Variants in APLF observed in about 807,000 individuals in gnomAD.
APLF encodes the protein aprataxin and PNK-like factor.
In APLF, 61 loss-of-function variants were observed where a neutral mutation model predicts 55.6. The observed-to-expected ratio is 1.10, with a 90% confidence interval of 0.89 to 1.36. The LOEUF (loss-of-function observed/expected upper bound fraction) is 1.36, where lower values mean the gene tolerates loss of function less well. APLF is among the 40% of genes most tolerant of loss of function. The probability of loss-of-function intolerance (pLI) is 0.00; values close to 1 mark genes in which losing one functional copy is unlikely to be tolerated. For synonymous variants in APLF, 207 were observed against 214.8 expected, an observed-to-expected ratio of 0.96 and a Z score of 0.32; for missense variants, 611 against 602.5, an observed-to-expected ratio of 1.01 and a Z score of -0.15.
intron 7 of APLF, 87 bp from the exon 8 acceptor site, chr2:68,545,100 G>A (rs1421948902): frequency 5.5e-5 from 81 of 1,478,014 alleles, no homozygotes; most frequent in Non-Finnish European, 7.1e-5. Context: ...ATAGCCAGAT[G>A]TGGATTGTCT....
intron 5 of APLF, among the ~76,000 whole-genome samples, chr2:68,518,764 T>TAATATATCATTATATAATAAAA (rs1669763224): frequency 8.7e-6 from 1 of 115,442 alleles, no homozygotes; most frequent in African/African-American, 3.5e-5. Flanking sequence ...TAATAAAATA[T>TAATATATCATTATATAATAAAA]TAATAATATA....
intron 8 of APLF, among the ~76,000 whole-genome samples, chr2:68,565,835 A>C (rs1671293917): frequency 6.6e-6 from 1 of 152,104 alleles, no homozygotes; most frequent in African/African-American, 2.4e-5. Flanking sequence ...ATAAGTGGAA[A>C]ATTTAATCGC....
At chr2:68,486,326 C>T (rs1182183061) in intron 1 of APLF, among the ~76,000 whole-genome samples, 1 of 152,092 alleles carries the variant, frequency 6.6e-6, no homozygotes, top group Non-Finnish European at 1.5e-5. Flanking sequence ...AAGTGTCCTC[C>T]TTCTCCCTGA....
chr2:68,479,419 A>G (rs1226024618), intron 1 of APLF, among the ~76,000 whole-genome samples: 1 of 152,218 alleles, frequency 6.6e-6, no homozygotes, highest in Non-Finnish European at 1.5e-5. Context: ...GATATGGCCA[A>G]AAAGTCAGGG....
At chr2:68,568,411 AAC>A (rs1471591672) in intron 9 of APLF, 6 of 719,784 alleles carry the variant, frequency 8.3e-6, no homozygotes, top group Non-Finnish European at 1.0e-5. Context: ...TTCTTATTGA[AAC>A]ACACTTTAGT....
chr2:68,511,876 A>G (rs1251096523), intron 3 of APLF, among the ~76,000 whole-genome samples: 3 of 151,658 alleles, frequency 2.0e-5, no homozygotes, highest in Non-Finnish European at 3.0e-5. Context: ...ACTCTAAGTA[A>G]ATTTTCTCTT....
intron 1 of APLF, among the ~76,000 whole-genome samples, chr2:68,482,261 T>C (rs1258777861): frequency 6.6e-6 from 1 of 152,168 alleles, no homozygotes; most frequent in Non-Finnish European, 1.5e-5. Context: ...CCTATTCCTT[T>C]AGATGGGTCT....
chr2:68,567,378 A>T lies in APLF; in HGVS notation c.1324A>T (p.Thr442Ser). Reference protein sequence around the residue: ...PQHKIEYRHNTLPVRNVLDED... With the variant: ...PQHKIEYRHNSLPVRNVLDED... ...GCACAAGATAGAATATAGACATAAT[A>T]CGCTTCCAGGTAAGTAAGTTTACTT... Residue 442 changes from threonine to serine, a missense_variant, in exon 9 of 10, where the codon ACG (threonine) becomes TCG (serine). Physicochemically the swap from Thr to Ser is moderately conservative, Grantham distance 58. Coordinates refer to ENST00000303795, the MANE Select transcript of APLF (RefSeq NM_173545.3). 1 of 1,602,218 alleles carries T rather than the reference A, an allele frequency of 6.2e-7. No individual in the cohort carries two copies. The highest frequency in any genetic ancestry group is 8.5e-7 in the Non-Finnish European group (1 of 1,174,704).
Position 68,549,056 on chromosome 2 carries a change from A to G in APLF, c.1286+3744A>G, listed in dbSNP as rs559143977. Among the ~76,000 whole-genome samples, 134 of 152,180 alleles carry G rather than the reference A, an allele frequency of 8.8e-4. 1 individual carries two copies. Among genetic ancestry groups the G allele is most frequent in the Non-Finnish European group, 1.4e-3 (95 of 67,926 alleles). On this transcript the variant is annotated intron_variant, in intron 8 of 9. Transcript: ENST00000303795. The stretch of plus-strand genomic sequence containing the variant: ...AATATTATTCAATATCCTGTCAAGT[A>G]TCTACATTTCCCTATAGTGTCATTT...
intron 1 of APLF, among the ~76,000 whole-genome samples, chr2:68,486,868 T>C (rs1676192535): frequency 6.6e-6 from 1 of 152,160 alleles, no homozygotes; most frequent in Non-Finnish European, 1.5e-5. Flanking sequence ...TTGGTGACTC[T>C]TGGTAATCAG....
intron 5 of APLF, among the ~76,000 whole-genome samples, chr2:68,519,092 T>A: frequency 8.0e-6 from 1 of 124,914 alleles, no homozygotes; most frequent in African/African-American, 3.0e-5. Context: ...ATATAATTAA[T>A]ATATAATAAT....
At chr2:68,554,094 A>G (rs764361411) in intron 8 of APLF, among the ~76,000 whole-genome samples, 2 of 152,104 alleles carry the variant, frequency 1.3e-5, no homozygotes, top group Non-Finnish European at 2.9e-5. Flanking sequence ...TTATAGGTTC[A>G]AAGTTTTATC....
intron 3 of APLF, among the ~76,000 whole-genome samples, chr2:68,505,409 G>C (rs745669138): frequency 1.4e-4 from 21 of 151,968 alleles, no homozygotes; most frequent in Non-Finnish European, 2.1e-4. Context: ...TATTCCCTTA[G>C]TGTGAAAGAC....
intron 2 of APLF, among the ~76,000 whole-genome samples, chr2:68,499,919 T>C (rs2103927502): frequency 6.6e-6 from 1 of 152,352 alleles, no homozygotes; most frequent in East Asian, 1.9e-4. Flanking sequence ...ATCTATTTGG[T>C]GTTATTAGGT....
rs183138446 is a variant in APLF, at chr2:68,529,506, G to A, written c.804+3264G>A. 635 of 1,020,292 alleles carry A rather than the reference G, an allele frequency of 6.2e-4. 2 individuals carry two copies. The African/African-American group carries it at 7.5e-3, about 12-fold the overall frequency. The allele number at this position is 1,020,292 out of a possible 1,614,324, so 63.2% of individuals were successfully genotyped here. On this transcript the variant is annotated intron_variant, in intron 6 of 9. Coordinates refer to ENST00000303795, the MANE Select transcript of APLF (RefSeq NM_173545.3). This position sits in a 1 kb window ranked among gnomAD's most constrained non-coding sequence, Gnocchi z 4.4. ...ACAGACGAAACTAAGGGTCAGAAGC[G>A]GAGAGGATACTCCTAAGTCACCCAC...
rs1451023709 is a variant in APLF, at chr2:68,502,777, T to C, written c.215T>C (p.Leu72Pro). The change falls in exon 3 of 10, where the codon CTC (leucine) becomes CCC (proline). Residue 72 changes from leucine (L) to proline (P), a missense_variant. By Grantham distance (98) the Leu-to-Pro change is moderately conservative. Coordinates refer to ENST00000303795, the MANE Select transcript of APLF (RefSeq NM_173545.3). ...CFYQSSEKSQLLPLKPNLWCY... is the reference protein window; with the variant it reads ...CFYQSSEKSQPLPLKPNLWCY... ...TACCAGTCTTCAGAGAAGAGTCAGC[T>C]CTTACCATTGAAGCCAAATCTATGG... is the stretch of plus-strand genomic sequence containing the variant. 6.2e-7 allele frequency: 1 copy of C among 1,603,280 alleles called. No homozygotes were observed. Among genetic ancestry groups the C allele is most frequent in the Non-Finnish European group, 8.5e-7 (1 of 1,176,700 alleles).
At chr2:68,562,237 G>A (rs961449163) in intron 8 of APLF, among the ~76,000 whole-genome samples, 7 of 151,926 alleles carry the variant, frequency 4.6e-5, no homozygotes, top group African/African-American at 1.4e-4. Context: ...TGGAAGGAGG[G>A]GTGGGTTGGA....
At chr2:68,500,051 G>T (rs745349087) in intron 2 of APLF, among the ~76,000 whole-genome samples, 6 of 151,576 alleles carry the variant, frequency 4.0e-5, no homozygotes, top group Non-Finnish European at 7.4e-5. Flanking sequence ...TAATTTTTTG[G>T]TGTGTAATCT....
At chr2:68,488,879 G>A (rs1304171373) in intron 1 of APLF, among the ~76,000 whole-genome samples, 1 of 151,966 alleles carries the variant, frequency 6.6e-6, no homozygotes. Flanking sequence ...GCTAAATGAC[G>A]AGTTATTGGG....
Sources: gnomAD v4.1 joint callset for allele counts (sites outside exome capture counted in the v4.1 genomes callset) on GRCh38, gnomAD v4.1.1 for gene constraint, Gnocchi (gnomAD v3.1) non-coding constraint, MANE v1.5 for transcripts, NCBI Gene and HGNC (gene_info 2026-07-23, HGNC 2026-07-21) for gene names.